The following ZNF407 variants were observed in gnomAD, a reference collection of about 807,000 sequenced individuals.
The protein encoded by ZNF407 is zinc finger protein 407.
ZNF407 carries 17 observed loss-of-function variants against 131.2 expected under a neutral mutation model. That is an observed-to-expected ratio of 0.13 (90% CI 0.09 to 0.19). The LOEUF is 0.19. ZNF407 is among the 10% of genes least tolerant of loss of function. The pLI is 1.00. For synonymous variants in ZNF407, 1,156 were observed against 1,062.0 expected (o/e 1.09, Z -1.72); for missense variants, 2,681 against 2,830.6 (o/e 0.95, Z 1.20).
At chr18:74,951,599 GA>G (rs1403049706) in intron 8 of ZNF407, among the ~76,000 whole-genome samples, 1 of 152,034 alleles carries the variant, frequency 6.6e-6, no homozygotes, top group Non-Finnish European at 1.5e-5. Context: ...TTAACTACCA[GA>G]AAATAACCTT....
chr18:74,892,678 T>C (rs964651529), intron 7 of ZNF407, among the ~76,000 whole-genome samples: 4 of 152,196 alleles, frequency 2.6e-5, no homozygotes, highest in Admixed American at 2.0e-4. Context: ...ATTTATTAAA[T>C]CCAAAAATCA....
intron 3 of ZNF407, among the ~76,000 whole-genome samples, chr18:74,744,224 G>A (rs1968615045): frequency 6.6e-6 from 1 of 152,134 alleles, no homozygotes; most frequent in South Asian, 2.1e-4. Flanking sequence ...TCTTTGACAA[G>A]TGGGGCACCT....
At chr18:74,711,006 AATT>A (rs1967747229) in intron 3 of ZNF407, among the ~76,000 whole-genome samples, 1 of 150,914 alleles carries the variant, frequency 6.6e-6, no homozygotes, top group South Asian at 2.1e-4. Context: ...TGCTATTATC[AATT>A]CACTCTGTCC....
intron 1 of ZNF407, among the ~76,000 whole-genome samples, chr18:74,602,606 A>G (rs1982630278): frequency 1.3e-5 from 2 of 152,156 alleles, no homozygotes; most frequent in Non-Finnish European, 2.9e-5. Flanking sequence ...TTTGAGGTAT[A>G]TACTACATTT....
chr18:74,875,001 G>A (rs1208033442), intron 4 of ZNF407, among the ~76,000 whole-genome samples: 2 of 152,116 alleles, frequency 1.3e-5, no homozygotes, highest in Non-Finnish European at 2.9e-5. Flanking sequence ...AGGGCTCCTC[G>A]TGATAGACTT....
intron 4 of ZNF407, among the ~76,000 whole-genome samples, chr18:74,814,145 TG>T (rs1352873069): frequency 6.6e-6 from 1 of 152,190 alleles, no homozygotes; most frequent in Non-Finnish European, 1.5e-5. Context: ...AGTTTGTTTT[TG>T]TTTTTAAGAT....
rs1474958238 is a variant in ZNF407, at chr18:74,598,117, T to G, written c.-54+180T>G. On this transcript the variant is annotated intron_variant, in intron 1 of 8. Coordinates refer to ENST00000299687, the MANE Select transcript of ZNF407 (RefSeq NM_017757.3). ...CCCGCCTCCGCCCCTCCCTGTCGCCTTCCTTCCCGACACCCGCCCAGACTC... is the reference window on the plus strand; with the variant it reads ...CCCGCCTCCGCCCCTCCCTGTCGCCGTCCTTCCCGACACCCGCCCAGACTC... 8 of 103,894 alleles carry G rather than the reference T, an allele frequency of 7.7e-5. No individual in the cohort carries two copies. In the East Asian group the frequency reaches 2.2e-3, roughly 28 times the overall value. The allele number at this position is 103,894 out of a possible 1,614,324, so 6.4% of individuals were successfully genotyped here. A position where few individuals can be genotyped will look rare whatever the true frequency, so the allele number is the denominator to read the frequency against.
At position 74,826,435 on chromosome 18, in the gene ZNF407, C is replaced by T. The variant is rs546478092; in HGVS notation, c.4877+44933C>T. 1.3e-4 allele frequency among the ~76,000 whole-genome samples: 20 copies of T among 152,200 alleles called. No homozygotes were observed. In the East Asian group the frequency reaches 3.7e-3, roughly 28 times the overall value. On this transcript the variant is annotated intron_variant, in intron 4 of 8. Transcript: ENST00000299687. ...TCTCTTAGGCAGTTGGCTCAAGAGC[C>T]GTGTGTGTGGTAGTGTTTGAGCTCC...
At chr18:74,781,844 A>T (rs1367160150) in intron 4 of ZNF407, among the ~76,000 whole-genome samples, 1 of 152,182 alleles carries the variant, frequency 6.6e-6, no homozygotes, top group Non-Finnish European at 1.5e-5. Context: ...GTTTTATTAT[A>T]TATTCTTATT....
At chr18:74,663,292 T>G (rs1274838320) in intron 3 of ZNF407, among the ~76,000 whole-genome samples, 1 of 152,218 alleles carries the variant, frequency 6.6e-6, no homozygotes, top group East Asian at 1.9e-4. Context: ...ACTTCTGTAT[T>G]GAAAGTTACC....
At chr18:74,875,964 G>A (rs745500614) in intron 4 of ZNF407, among the ~76,000 whole-genome samples, 52 of 152,074 alleles carry the variant, frequency 3.4e-4, no homozygotes, top group Non-Finnish European at 6.0e-4. Context: ...TGATTCATGG[G>A]AATTTGTGAT....
chr18:74,673,738 A>G (rs1986246202), intron 3 of ZNF407, among the ~76,000 whole-genome samples: 1 of 152,222 alleles, frequency 6.6e-6, no homozygotes, highest in Non-Finnish European at 1.5e-5. Context: ...TTAAACATAC[A>G]CAAGTGCACA....
intron 8 of ZNF407, among the ~76,000 whole-genome samples, chr18:74,999,285 A>G (rs1972814435): frequency 8.9e-6 from 1 of 112,470 alleles, no homozygotes; most frequent in South Asian, 3.9e-4. Flanking sequence ...CCAGCATGGC[A>G]CATGTATACA....
At chr18:75,007,372 G>A (rs1394463693) in intron 8 of ZNF407, among the ~76,000 whole-genome samples, 1 of 152,092 alleles carries the variant, frequency 6.6e-6, no homozygotes, top group East Asian at 1.9e-4. Flanking sequence ...TGTGACAAGT[G>A]TAAATGTTGC....
intron 3 of ZNF407, among the ~76,000 whole-genome samples, chr18:74,683,812 A>G (rs935253334): frequency 7.2e-5 from 11 of 152,306 alleles, no homozygotes; most frequent in South Asian, 4.1e-4. Context: ...TTATTTCATC[A>G]TGTTGAAAAT....
intron 3 of ZNF407, among the ~76,000 whole-genome samples, chr18:74,780,021 G>C (rs986073122): frequency 8.4e-5 from 1 of 11,944 alleles, no homozygotes; most frequent in Non-Finnish European, 9.7e-4. Context: ...CAGAATTTTT[G>C]TACTTTTTTT....
intron 6 of ZNF407, among the ~76,000 whole-genome samples, chr18:74,882,114 G>T (rs1568253644): frequency 6.6e-6 from 1 of 152,174 alleles, no homozygotes; most frequent in South Asian, 2.1e-4. Flanking sequence ...GATGAGATTT[G>T]GGTGGCAACA....
At chr18:75,062,935 TTAAC>T in intron 8 of ZNF407, 1 of 494,042 alleles carries the variant, frequency 2.0e-6, no homozygotes, top group South Asian at 3.5e-5. Flanking sequence ...ACACCCAGTA[TTAAC>T]TGTGTGTGCC....
intron 7 of ZNF407, among the ~76,000 whole-genome samples, chr18:74,913,683 A>G (rs1971706192): frequency 6.6e-6 from 1 of 152,188 alleles, no homozygotes; most frequent in South Asian, 2.1e-4. Flanking sequence ...TGTCATATCC[A>G]TTATTGGATG....
Sources: gnomAD v4.1 joint callset for allele counts (sites outside exome capture counted in the v4.1 genomes callset) on GRCh38, gnomAD v4.1.1 for gene constraint, MANE v1.5 for transcripts, NCBI Gene and HGNC (gene_info 2026-07-23, HGNC 2026-07-21) for gene names.